The following RALY variants were observed in gnomAD, a reference collection of about 807,000 sequenced individuals.
RALY encodes RALY heterogeneous nuclear ribonucleoprotein, also known as RNA-binding protein Raly.
In RALY, 15 loss-of-function variants were observed where a neutral mutation model predicts 30.7. That is an observed-to-expected ratio of 0.49 (90% CI 0.33 to 0.75). RALY has a LOEUF of 0.75. Ranked by LOEUF, RALY falls within the 30% of genes least tolerant of loss-of-function variation. The pLI, the probability that RALY is intolerant of heterozygous loss-of-function variation, is 0.02. For synonymous variants in RALY, 177 were observed against 170.8 expected (o/e 1.04, Z -0.28); for missense variants, 339 against 414.3 (o/e 0.82, Z 1.58).
chr20:34,014,647 T>C (rs1050079288), intron 1 of RALY, among the ~76,000 whole-genome samples: 4 of 152,200 alleles, frequency 2.6e-5, no homozygotes, highest in Non-Finnish European at 4.4e-5. Context: ...TCTTAGCTCT[T>C]GAAACTATTG....
Position 33,994,127 on chromosome 20 carries a change from C to G in RALY, c.-97C>G, listed in dbSNP as rs1315183416. 6.6e-6 allele frequency: 1 copy of G among 152,340 alleles called. No homozygotes were observed. The highest frequency in any genetic ancestry group is 2.4e-5 in the African/African-American group (1 of 41,462). 9.4% of individuals were successfully genotyped at this position (152,340 alleles called of 1,614,324 possible). ...GCGCGGCTTCCTCCAGACCTCTCGGCGCGGGTGAGTGGGGACTGCGGGCGT... is the reference window on the plus strand; with the variant it reads ...GCGCGGCTTCCTCCAGACCTCTCGGGGCGGGTGAGTGGGGACTGCGGGCGT... On this transcript the variant is annotated 5_prime_UTR_variant, in exon 1 of 10. Coordinates refer to ENST00000246194, the MANE Select transcript of RALY (RefSeq NM_016732.3).
At chr20:34,046,224 T>C (rs2032875063) in intron 2 of RALY, among the ~76,000 whole-genome samples, 1 of 152,214 alleles carries the variant, frequency 6.6e-6, no homozygotes. Flanking sequence ...AGGCTTGTCT[T>C]TGAAGCCCAG....
Position 34,080,746 on chromosome 20 carries a change from G to A in RALY, c.*841G>A, listed in dbSNP as rs1366407043. 1 of 152,312 alleles carries A rather than the reference G, an allele frequency of 6.6e-6. No individual in the cohort carries two copies. The highest frequency in any genetic ancestry group is 1.5e-5 in the Non-Finnish European group (1 of 68,110). 9.4% of individuals were successfully genotyped at this position (152,312 alleles called of 1,614,324 possible). On this transcript the variant is annotated 3_prime_UTR_variant, in exon 10 of 10. Transcript: ENST00000246194. ...CCCTTTACTGACTCTTCATCATCAG[G>A]ACAAAACCCTACCTCCTGAATGTAG... is the stretch of plus-strand genomic sequence containing the variant.
chr20:34,040,404 G>A (rs1160210100), intron 2 of RALY, among the ~76,000 whole-genome samples: 4 of 152,108 alleles, frequency 2.6e-5, no homozygotes, highest in Non-Finnish European at 4.4e-5. Flanking sequence ...AACACAGCCC[G>A]TACTTGTTTT....
chr20:34,060,481 G>T (rs1002142561), intron 2 of RALY, among the ~76,000 whole-genome samples: 2 of 152,128 alleles, frequency 1.3e-5, no homozygotes, highest in South Asian at 4.1e-4. Context: ...TAATATATTC[G>T]CATGCTTTCT....
At chr20:34,075,773 T>G in intron 5 of RALY, 101 bp from the exon 6 acceptor site, 1 of 1,346,286 alleles carries the variant, frequency 7.4e-7, no homozygotes, top group Non-Finnish European at 1.0e-6. Flanking sequence ...AGTGCAGGCC[T>G]CCCAGCCCCT....
intron 2 of RALY, among the ~76,000 whole-genome samples, chr20:34,041,025 C>T (rs2032680621): frequency 6.6e-6 from 1 of 152,180 alleles, no homozygotes; most frequent in Admixed American, 6.5e-5. Context: ...GCACTCTGTG[C>T]CTCAAACCAA....
chr20:34,034,393 G>C (rs185648345), intron 2 of RALY, among the ~76,000 whole-genome samples: 1 of 152,294 alleles, frequency 6.6e-6, no homozygotes, highest in Admixed American at 6.5e-5. Flanking sequence ...GGCTCTTGCT[G>C]CCACTTCTTT....
intron 1 of RALY, among the ~76,000 whole-genome samples, chr20:34,024,474 G>A (rs1481186414): frequency 1.3e-5 from 2 of 152,158 alleles, no homozygotes; most frequent in East Asian, 1.9e-4. Flanking sequence ...AAAATGCAGA[G>A]GCAAGAATGA....
intron 2 of RALY, among the ~76,000 whole-genome samples, chr20:34,038,073 C>G (rs2032567118): frequency 6.6e-6 from 1 of 152,218 alleles, no homozygotes; most frequent in African/African-American, 2.4e-5. Flanking sequence ...CAATAACCTC[C>G]AGCTTGCTTG....
intron 2 of RALY, among the ~76,000 whole-genome samples, chr20:34,050,809 A>G (rs941785972): frequency 9.2e-5 from 14 of 152,182 alleles, no homozygotes; most frequent in African/African-American, 3.4e-4. Context: ...GTCTAGCCCC[A>G]CAGCCAGTAT....
intron 2 of RALY, among the ~76,000 whole-genome samples, chr20:34,060,054 T>G (rs1458989366): frequency 6.6e-6 from 1 of 152,210 alleles, no homozygotes; most frequent in Non-Finnish European, 1.5e-5. Context: ...CTCTTGTCTT[T>G]CCTTTTATGT....
Position 34,081,180 on chromosome 20 carries a change from A to G in RALY, c.*1275A>G, listed in dbSNP as rs1195017078. ...CTGTAATTTTTTTTCCTAATCACTC[A>G]TAGGTTACAAGTACCTACCCTGGTC... On this transcript the variant is annotated 3_prime_UTR_variant, in exon 10 of 10. Transcript: ENST00000246194. 6.6e-6 allele frequency: 1 copy of G among 152,004 alleles called. No homozygotes were observed. Among genetic ancestry groups the G allele is most frequent in the East Asian group, 1.9e-4 (1 of 5,176 alleles). The allele number at this position is 152,004 out of a possible 1,614,324, so 9.4% of individuals were successfully genotyped here.
intron 2 of RALY, among the ~76,000 whole-genome samples, chr20:34,061,179 G>T (rs2268087): frequency 0.085 from 13,003 of 152,216 alleles, 624 homozygotes; most frequent in African/African-American, 0.13. Context: ...CTTCAGGAAA[G>T]TGGTTCCAGC....
At chr20:34,033,671 C>T (rs1051485471) in intron 2 of RALY, among the ~76,000 whole-genome samples, 4 of 152,142 alleles carry the variant, frequency 2.6e-5, no homozygotes, top group Non-Finnish European at 4.4e-5. Flanking sequence ...CTGCCCCCAA[C>T]GATCCAAACC....
chr20:34,044,340 T>TC (rs2032802941), intron 2 of RALY, among the ~76,000 whole-genome samples: 1 of 152,042 alleles, frequency 6.6e-6, no homozygotes, highest in African/African-American at 2.4e-5. Flanking sequence ...TTTTTTTTTT[T>TC]CCGAGATGGG....
rs552438392 is a variant in RALY at position 34,064,630 on chromosome 20, C to T, written c.-9-7436C>T. Among the ~76,000 whole-genome samples the T allele has an allele frequency of 2.0e-5, 3 of 152,212 alleles. No individual in the cohort carries two copies. In the South Asian group the frequency reaches 6.2e-4, roughly 32 times the overall value. On this transcript the variant is annotated intron_variant, in intron 2 of 9. Coordinates refer to ENST00000246194, the MANE Select transcript of RALY (RefSeq NM_016732.3). ...CATGCATAGGCTCCCTACTCCCTAC[C>T]CCCAACTCCCTTACTCTCAGGCAAA... is the stretch of plus-strand genomic sequence containing the variant.
rs2034000818 is a variant in RALY at position 34,080,001 on chromosome 20, G to C, written c.*96G>C. Reference sequence around the variant, plus strand: ...CAACCCTGGATGCCACCCCCCAGCGGGTACCAGAGGAAAGCTGGCAGCAGG... The same window carrying C: ...CAACCCTGGATGCCACCCCCCAGCGCGTACCAGAGGAAAGCTGGCAGCAGG... On this transcript the variant is annotated 3_prime_UTR_variant, in exon 10 of 10. Transcript: ENST00000246194. The C allele has an allele frequency of 6.6e-6, 1 of 152,590 alleles. No individual in the cohort carries two copies. Among genetic ancestry groups the C allele is most frequent in the African/African-American group, 2.4e-5 (1 of 41,482 alleles). 9.5% of individuals were successfully genotyped at this position (152,590 alleles called of 1,614,324 possible).
intron 1 of RALY, among the ~76,000 whole-genome samples, chr20:34,020,078 GAGT>G (rs1419602325): frequency 3.3e-5 from 5 of 152,142 alleles, no homozygotes; most frequent in Admixed American, 1.3e-4. Context: ...AAGGAAGCTT[GAGT>G]GCCCACTGTG....
Sources: allele counts gnomAD v4.1 joint callset (sites outside exome capture counted in the v4.1 genomes callset), GRCh38; gene constraint gnomAD v4.1.1; transcripts MANE v1.5; gene names NCBI Gene and HGNC (gene_info 2026-07-23, HGNC 2026-07-21).